The following RBM17 variants were observed in gnomAD, a reference collection of about 807,000 sequenced individuals.
RBM17 encodes the protein splicing factor 45.
RBM17 carries 7 observed loss-of-function variants against 53.2 expected under a neutral mutation model. That is an observed-to-expected ratio of 0.13 (90% CI 0.07 to 0.25). The LOEUF (loss-of-function observed/expected upper bound fraction) is 0.25. Among genes scored for constraint, RBM17 ranks in the 10% least tolerant of loss-of-function variants. RBM17 has a pLI of 1.00. For missense variants in RBM17, 257 were observed against 496.7 expected, an observed-to-expected ratio of 0.52 and a Z score of 4.59; for synonymous variants, 167 against 178.1, an observed-to-expected ratio of 0.94 and a Z score of 0.50.
intron 1 of RBM17, among the ~76,000 whole-genome samples, chr10:6,093,588 A>G (rs887302905): frequency 1.3e-5 from 2 of 152,230 alleles, no homozygotes; most frequent in African/African-American, 4.8e-5. Context: ...GCAAAAATAA[A>G]TAAGTGAATC....
rs765526002 is a variant in RBM17 at position 6,115,577 on chromosome 10, G to A, written c.*21G>A. Reference sequence around the variant, plus strand: ...TTTGATTTTAAGAACTAGAGCACGAGTCATCTCCGGTGATCCTTAAATGAA... The same window carrying A: ...TTTGATTTTAAGAACTAGAGCACGAATCATCTCCGGTGATCCTTAAATGAA... On this transcript the variant is annotated 3_prime_UTR_variant, in exon 12 of 12. Coordinates refer to ENST00000379888, the MANE Select transcript of RBM17 (RefSeq NM_032905.5). 1.4e-6 allele frequency: 2 copies of A among 1,399,314 alleles called. No individual in the cohort carries two copies. The highest frequency in any genetic ancestry group is 1.7e-5 in the Admixed American group (1 of 59,670). The allele number at this position is 1,399,314 out of a possible 1,614,324, so 86.7% of individuals were successfully genotyped here. A position where few individuals can be genotyped will look rare whatever the true frequency, so the allele number is the denominator to read the frequency against.
chr10:6,090,586 T>A (rs1840466941), intron 1 of RBM17, among the ~76,000 whole-genome samples: 1 of 152,244 alleles, frequency 6.6e-6, no homozygotes, highest in Non-Finnish European at 1.5e-5. Flanking sequence ...GATTTCTTTT[T>A]ACCTGGTTTG....
At chr10:6,107,842 T>C (rs961056347) in intron 5 of RBM17, among the ~76,000 whole-genome samples, 1 of 152,166 alleles carries the variant, frequency 6.6e-6, no homozygotes, top group African/African-American at 2.4e-5. Flanking sequence ...AATCAATTTT[T>C]AAAGTTTTAC....
At chr10:6,098,556 GTT>G (rs1221504658) in intron 2 of RBM17, among the ~76,000 whole-genome samples, 1 of 87,976 alleles carries the variant, frequency 1.1e-5, no homozygotes, top group Non-Finnish European at 2.3e-5. Flanking sequence ...TAATACACAG[GTT>G]TTTTGTTTTT....
chr10:6,092,331 T>C lies in RBM17; in HGVS notation c.-19+3138T>C, dbSNP rs1402343411. 3.5e-4 allele frequency among the ~76,000 whole-genome samples: 53 copies of C among 152,354 alleles called. No individual in the cohort carries two copies. In the East Asian group the frequency reaches 9.6e-3, roughly 28 times the overall value. On this transcript the variant is annotated intron_variant, in intron 1 of 11. Coordinates refer to ENST00000379888, the MANE Select transcript of RBM17 (RefSeq NM_032905.5). ...TTGGGTCTTGGCAGTCTTATTAATG[T>C]ACTTATTACATTTCAGTAGTTGCGG... is the stretch of plus-strand genomic sequence containing the variant.
At chr10:6,109,960 G>A in intron 6 of RBM17, 26 bp from the exon 7 acceptor site, 3 of 1,579,456 alleles carry the variant, frequency 1.9e-6, no homozygotes, top group Non-Finnish European at 2.6e-6. Flanking sequence ...GTATTTTGGT[G>A]AGCCTACTTT....
At chr10:6,105,457 G>A (rs968267827) in intron 4 of RBM17, among the ~76,000 whole-genome samples, 2 of 152,152 alleles carry the variant, frequency 1.3e-5, no homozygotes, top group Admixed American at 6.5e-5. Flanking sequence ...CCAACATGCC[G>A]CTCAAAGGAA....
chr10:6,106,971 A>G, intron 5 of RBM17, among the ~76,000 whole-genome samples: 1 of 152,218 alleles, frequency 6.6e-6, no homozygotes, highest in East Asian at 1.9e-4. Context: ...TGAACTTATT[A>G]GAGCTAATCT....
chr10:6,106,268 T>C, intron 5 of RBM17, 30 bp downstream of exon 5: 1 of 1,414,850 alleles, frequency 7.1e-7, no homozygotes, highest in Non-Finnish European at 1.0e-6. Context: ...GTCTTAAACA[T>C]ATATAAATAC....
chr10:6,108,550 A>T (rs1564568795), intron 5 of RBM17, 136 bp from the exon 6 acceptor site: 1 of 591,416 alleles, frequency 1.7e-6, no homozygotes, highest in African/African-American at 1.9e-5. Flanking sequence ...ATGTAGCAGG[A>T]GGTCATCTGA....
Position 6,112,692 on chromosome 10 carries a change from C to T in RBM17, c.856+331C>T, listed in dbSNP as rs1840858834. On this transcript the variant is annotated intron_variant, in intron 8 of 11. Coordinates refer to ENST00000379888, the MANE Select transcript of RBM17 (RefSeq NM_032905.5). The surrounding 1 kb of genome is among the most constrained non-coding windows in gnomAD (Gnocchi z 4.4). ...AGAAATCTTGGTTATGTGTTTAGAGCATGAAGGACAGAGCCATATAGTGTG... is the reference window on the plus strand; with the variant it reads ...AGAAATCTTGGTTATGTGTTTAGAGTATGAAGGACAGAGCCATATAGTGTG... 1.1e-5 allele frequency: 4 copies of T among 377,770 alleles called. No homozygotes were observed. The highest frequency in any genetic ancestry group is 1.5e-5 in the Non-Finnish European group (3 of 196,042). The allele number at this position is 377,770 out of a possible 1,614,324, so 23.4% of individuals were successfully genotyped here. A position where few individuals can be genotyped will look rare whatever the true frequency, so the allele number is the denominator to read the frequency against.
In RBM17 at chr10:6,115,245, G is replaced by C; in HGVS notation, c.1036G>C (p.Gly346Arg). Residue 346 changes from glycine (G) to arginine (R), a missense_variant, in exon 11 of 12, where the codon GGT becomes CGT. Coordinates refer to ENST00000379888, the MANE Select transcript of RBM17 (RefSeq NM_032905.5). ...VGKCVIFEIP[G>R]APDDEAVRIF... ...CGCTCTCATTTTCTTCCAGATTCCTGGTGCCCCTGATGATGAAGCAGTACG... is the reference window on the plus strand; with the variant it reads ...CGCTCTCATTTTCTTCCAGATTCCTCGTGCCCCTGATGATGAAGCAGTACG... The C allele has an allele frequency of 6.2e-7, 1 of 1,612,448 alleles. No homozygotes were observed. The highest frequency in any genetic ancestry group is 8.5e-7 in the Non-Finnish European group (1 of 1,179,378).
At position 6,109,858 on chromosome 10, in the gene RBM17, T is replaced by A; in HGVS notation, c.563-128T>A. 5 of 671,472 alleles carry A rather than the reference T, an allele frequency of 7.4e-6. No individual in the cohort carries two copies. In the South Asian group the frequency reaches 1.6e-4, roughly 21 times the overall value. The allele number at this position is 671,472 out of a possible 1,614,324, so 41.6% of individuals were successfully genotyped here. A position where few individuals can be genotyped will look rare whatever the true frequency, so the allele number is the denominator to read the frequency against. ...TATAAAGGCTGTAAAATTGATTTGGTGTTTTTCTCTCCTTGTGGTAAACCA... is the reference window on the plus strand; with the variant it reads ...TATAAAGGCTGTAAAATTGATTTGGAGTTTTTCTCTCCTTGTGGTAAACCA... On this transcript the variant is annotated intron_variant, in intron 6 of 11. Coordinates refer to ENST00000379888, the MANE Select transcript of RBM17 (RefSeq NM_032905.5).
intron 2 of RBM17, among the ~76,000 whole-genome samples, chr10:6,098,639 G>A (rs11256717): frequency 0.046 from 5,606 of 120,676 alleles, 204 homozygotes; most frequent in East Asian, 0.23. Flanking sequence ...GCAGTGGCAT[G>A]ATCTCAGCTC....
chr10:6,103,090 C>T (rs1840693421), intron 3 of RBM17, among the ~76,000 whole-genome samples: 1 of 152,170 alleles, frequency 6.6e-6, no homozygotes, highest in South Asian at 2.1e-4. Flanking sequence ...CTGCACCCGG[C>T]CCTCTAATGA....
At chr10:6,092,616 A>G (rs141439617) in intron 1 of RBM17, among the ~76,000 whole-genome samples, 137 of 152,318 alleles carry the variant, frequency 9.0e-4, no homozygotes, top group African/African-American at 3.2e-3. Flanking sequence ...GCAGCATTAT[A>G]ATAATTAAAC....
chr10:6,106,439 C>A (rs1840749230), intron 5 of RBM17: 3 of 480,744 alleles, frequency 6.2e-6, no homozygotes. Flanking sequence ...TTGAGCTTCA[C>A]AACCACTTTC....
intron 2 of RBM17, among the ~76,000 whole-genome samples, chr10:6,099,947 A>C (rs1295696493): frequency 3.3e-5 from 5 of 151,692 alleles, no homozygotes; most frequent in Non-Finnish European, 5.9e-5. Flanking sequence ...AATCCCAGCT[A>C]CTCTGGAGGC....
intron 3 of RBM17, 149 bp from the exon 4 acceptor site, chr10:6,104,781 TC>T: frequency 1.6e-6 from 1 of 611,544 alleles, no homozygotes; most frequent in South Asian, 2.9e-5. Context: ...CGTGGCCTTG[TC>T]TGGTATTTGT....
Sources: gnomAD v4.1 joint callset for allele counts (sites outside exome capture counted in the v4.1 genomes callset) on GRCh38, gnomAD v4.1.1 for gene constraint, Gnocchi (gnomAD v3.1) non-coding constraint, MANE v1.5 for transcripts, NCBI Gene and HGNC (gene_info 2026-07-23, HGNC 2026-07-21) for gene names.